ETS1: variants seen among roughly 807,000 people sequenced by gnomAD.
The protein encoded by ETS1 is protein C-ets-1.
A neutral mutation model predicts 58.6 loss-of-function variants in ETS1; 15 were observed. That is an observed-to-expected ratio of 0.26 (90% CI 0.17 to 0.39). The LOEUF (loss-of-function observed/expected upper bound fraction) is 0.39. ETS1 is among the 10% of genes least tolerant of loss of function. The pLI is 1.00. For synonymous variants in ETS1, 214 were observed against 218.2 expected (o/e 0.98, Z 0.17); for missense variants, 417 against 610.5 (o/e 0.68, Z 3.34).
intron 3 of ETS1, among the ~76,000 whole-genome samples, chr11:128,546,739 A>AG (rs988152047): frequency 2.6e-5 from 4 of 152,164 alleles, no homozygotes; most frequent in African/African-American, 9.7e-5. Context: ...CATTGTTTGC[A>AG]GGGGGGAAGG....
chr11:128,542,380 G>C (rs1864069714), intron 3 of ETS1, among the ~76,000 whole-genome samples: 1 of 152,152 alleles, frequency 6.6e-6, no homozygotes, highest in African/African-American at 2.4e-5. Context: ...GAGGGAGGAA[G>C]AGGAGGGTAA....
rs944331624 is a variant in ETS1 at position 128,533,649 on chromosome 11, G to C, written c.214+22642C>G. 2.0e-5 allele frequency among the ~76,000 whole-genome samples: 3 copies of C among 152,046 alleles called. No individual in the cohort carries two copies. In the South Asian group the frequency reaches 6.2e-4, roughly 31 times the overall value. ...CCTGTTCTACCTGCCCAGCACCTCT[G>C]TCAAGACTCAGCAGTAAATCACCTC... On this transcript the variant is annotated intron_variant, in intron 3 of 9. Coordinates refer to ENST00000392668, the MANE Select transcript of ETS1 (RefSeq NM_001143820.2).
chr11:128,525,190 C>T (rs753435771), intron 3 of ETS1, among the ~76,000 whole-genome samples: 6 of 151,548 alleles, frequency 4.0e-5, no homozygotes, highest in African/African-American at 9.7e-5. Context: ...ACACTAGGAA[C>T]GTGAAGTCAA....
At chr11:128,486,189 A>C (rs754320864) in intron 5 of ETS1, 43 bp from the exon 6 acceptor site, 52 of 1,266,168 alleles carry the variant, frequency 4.1e-5, no homozygotes, top group African/African-American at 5.9e-5. Flanking sequence ...GTCAATATTC[A>C]AGTCATGCTT....
chr11:128,548,157 A>AAGGGAAGGGAAGGGAAGGG (rs1244619658), intron 3 of ETS1, among the ~76,000 whole-genome samples: 2 of 70,166 alleles, frequency 2.9e-5, no homozygotes, highest in Admixed American at 1.5e-4. Flanking sequence ...GAAGGGAAGG[A>AAGGGAAGGGAAGGGAAGGG]AAGGAAAAAG....
chr11:128,580,540 T>A (rs1379229249), intron 1 of ETS1, among the ~76,000 whole-genome samples: 1 of 152,202 alleles, frequency 6.6e-6, no homozygotes, highest in Non-Finnish European at 1.5e-5. Flanking sequence ...AGAAAAAGGA[T>A]TAGAAGAACT....
Position 128,581,949 on chromosome 11 carries a change from A to C in ETS1, c.-15+5539T>G, listed in dbSNP as rs1864879007. Among the ~76,000 whole-genome samples the C allele has an allele frequency of 2.0e-5, 3 of 152,224 alleles. No individual in the cohort carries two copies. In the South Asian group the frequency reaches 6.2e-4, roughly 32 times the overall value. ...TGAACTAAAAGATACCAGCTGCCTT[A>C]GATCTCTCAAATCCAGCAAGCAACT... On this transcript the variant is annotated intron_variant, in intron 1 of 9. Coordinates refer to ENST00000392668, the MANE Select transcript of ETS1 (RefSeq NM_001143820.2).
rs1173206718 is a variant in ETS1 at position 128,459,368 on chromosome 11, C to T, written c.*2993G>A. ...ACCATGAAGGTTAGGCAGGTTAATGCTGTAAAACCCAGAGTGTTCATCTCC... is the reference window on the plus strand; with the variant it reads ...ACCATGAAGGTTAGGCAGGTTAATGTTGTAAAACCCAGAGTGTTCATCTCC... On this transcript the variant is annotated 3_prime_UTR_variant, in exon 10 of 10. Transcript: ENST00000392668. The T allele has an allele frequency of 6.5e-6, 1 of 152,712 alleles. No homozygotes were observed. Among genetic ancestry groups the T allele is most frequent in the Non-Finnish European group, 1.5e-5 (1 of 68,030 alleles). 9.5% of individuals were successfully genotyped at this position (152,712 alleles called of 1,614,324 possible). A position where few individuals can be genotyped will look rare whatever the true frequency, so the allele number is the denominator to read the frequency against.
intron 3 of ETS1, among the ~76,000 whole-genome samples, chr11:128,508,608 G>A (rs1322591591): frequency 1.3e-5 from 2 of 152,138 alleles, no homozygotes; most frequent in East Asian, 1.9e-4. Context: ...GTCTTAGAGG[G>A]CTTAGGTACC....
chr11:128,532,706 C>A (rs1309842700), intron 3 of ETS1, among the ~76,000 whole-genome samples: 1 of 151,864 alleles, frequency 6.6e-6, no homozygotes, highest in African/African-American at 2.4e-5. Flanking sequence ...AGTGATCCTG[C>A]ATACACAATA....
At chr11:128,475,221 CATTGAG>C (rs1565369609) in intron 8 of ETS1, among the ~76,000 whole-genome samples, 1 of 152,246 alleles carries the variant, frequency 6.6e-6, no homozygotes, top group Non-Finnish European at 1.5e-5. Context: ...TACCTGAATA[CATTGAG>C]ATTATTTTGC....
chr11:128,527,765 G>A (rs1863827105), intron 3 of ETS1, among the ~76,000 whole-genome samples: 1 of 152,224 alleles, frequency 6.6e-6, no homozygotes, highest in African/African-American at 2.4e-5. Context: ...CCTGGTGGAA[G>A]GCTAAGGCCT....
At chr11:128,556,181 C>T in intron 3 of ETS1, 110 bp downstream of exon 3, 1 of 947,620 alleles carries the variant, frequency 1.1e-6, no homozygotes, top group South Asian at 1.9e-5. Flanking sequence ...ACAATAGCAT[C>T]TGTACCCGCA....
At chr11:128,495,134 G>A (rs189599047) in intron 3 of ETS1, among the ~76,000 whole-genome samples, 10 of 152,302 alleles carry the variant, frequency 6.6e-5, no homozygotes, top group South Asian at 4.1e-4. Flanking sequence ...TTTCACAGAT[G>A]AGGAAATCAA....
At chr11:128,499,434 T>G (rs1863028317) in intron 3 of ETS1, among the ~76,000 whole-genome samples, 1 of 152,156 alleles carries the variant, frequency 6.6e-6, no homozygotes. Flanking sequence ...GTAGTTATTA[T>G]CTTTATCATG....
chr11:128,480,479 G>T, intron 7 of ETS1, 28 bp from the exon 8 acceptor site: 1 of 1,553,336 alleles, frequency 6.4e-7, no homozygotes, highest in South Asian at 1.1e-5. Context: ...GGTAGGAAGA[G>T]GACAGGGGGA....
chr11:128,495,478 G>A (rs1862914567), intron 3 of ETS1, among the ~76,000 whole-genome samples: 1 of 152,152 alleles, frequency 6.6e-6, no homozygotes, highest in Non-Finnish European at 1.5e-5. Context: ...TGGCACTCAG[G>A]CAACTGAGGC....
At chr11:128,482,972 G>A (rs987208086) in intron 7 of ETS1, among the ~76,000 whole-genome samples, 18 of 152,192 alleles carry the variant, frequency 1.2e-4, no homozygotes, top group African/African-American at 3.4e-4. Flanking sequence ...AATGCAGCCC[G>A]TGAATACTGT....
intron 3 of ETS1, chr11:128,522,079 G>C (rs1306379374): frequency 7.2e-7 from 1 of 1,382,354 alleles, no homozygotes; most frequent in African/African-American, 1.5e-5. Context: ...AGTAACAGGG[G>C]GAAGGGGACG....
Sources: allele counts gnomAD v4.1 joint callset (sites outside exome capture counted in the v4.1 genomes callset), GRCh38; gene constraint gnomAD v4.1.1; transcripts MANE v1.5; gene names NCBI Gene and HGNC (gene_info 2026-07-23, HGNC 2026-07-21).